The following KALRN variants were observed in gnomAD, a reference collection of about 807,000 sequenced individuals.
KALRN encodes kalirin.
Under a neutral mutation model 353.7 loss-of-function variants are expected in KALRN, and 70 were observed. That is an observed-to-expected ratio of 0.20 (90% CI 0.16 to 0.24). The LOEUF is 0.24. KALRN is among the 10% of genes least tolerant of loss of function. The pLI, the probability that KALRN is intolerant of heterozygous loss-of-function variation, is 1.00. For synonymous variants in KALRN, 1,391 were observed against 1,434.8 expected, an observed-to-expected ratio of 0.97 and a Z score of 0.69; for missense variants, 2,791 against 3,756.7, an observed-to-expected ratio of 0.74 and a Z score of 6.72.
intron 47 of KALRN, among the ~76,000 whole-genome samples, chr3:124,667,597 G>C (rs1164266451): frequency 1.3e-5 from 2 of 152,186 alleles, no homozygotes; most frequent in Non-Finnish European, 2.9e-5. Flanking sequence ...TGACCAATCA[G>C]TTCAAATCCC....
intron 13 of KALRN, among the ~76,000 whole-genome samples, chr3:124,408,910 T>G (rs2091882014): frequency 6.6e-6 from 1 of 152,208 alleles, no homozygotes; most frequent in Non-Finnish European, 1.5e-5. Context: ...AAGCAAATTT[T>G]GATGGCAGAA....
At chr3:124,042,239 T>C (rs1450362142) in intron 1 of KALRN, among the ~76,000 whole-genome samples, 1 of 152,170 alleles carries the variant, frequency 6.6e-6, no homozygotes, top group East Asian at 1.9e-4. Flanking sequence ...CAATGGGAGA[T>C]GAGACTCAGG....
At position 124,524,157 on chromosome 3, in the gene KALRN, G is replaced by T. The variant is rs182955717; in HGVS notation, c.4935+27744G>T. 2.8e-3 allele frequency among the ~76,000 whole-genome samples: 430 copies of T among 152,236 alleles called. 2 individuals are homozygous for T. Among genetic ancestry groups the T allele is most frequent in the African/African-American group, 9.8e-3 (408 of 41,542 alleles). ...AACATCCGGATGTCTTCTCTATGTG[G>T]GTTACAGTCCCACGCAAGCTGCTCC... On this transcript the variant is annotated intron_variant, in intron 33 of 59. Transcript: ENST00000682506.
At chr3:124,639,090 C>G (rs760515283) in intron 37 of KALRN, among the ~76,000 whole-genome samples, 5 of 152,194 alleles carry the variant, frequency 3.3e-5, no homozygotes, top group Non-Finnish European at 7.3e-5. Flanking sequence ...GAACTCTGTT[C>G]CAAACAAATT....
rs558113714 is a variant in KALRN at position 124,115,838 on chromosome 3, G to T, written c.73+82025G>T. ...TTTCATTTTATCATAAATACCAGAA[G>T]CTTCATGAATTTAAATTGGTTTCCT... On this transcript the variant is annotated intron_variant, in intron 1 of 59. Coordinates refer to ENST00000682506, the MANE Select transcript of KALRN (RefSeq NM_001388419.1). Among the ~76,000 whole-genome samples, 29 of 152,272 alleles carry T rather than the reference G, an allele frequency of 1.9e-4. No individual in the cohort carries two copies. The South Asian group carries it at 2.5e-3, about 13-fold the overall frequency.
At chr3:124,635,700 T>C (rs1241622878) in intron 36 of KALRN, among the ~76,000 whole-genome samples, 1 of 152,208 alleles carries the variant, frequency 6.6e-6, no homozygotes, top group Admixed American at 6.5e-5. Context: ...TTCCTTCTAA[T>C]CTTTTTCTTA....
intron 21 of KALRN, among the ~76,000 whole-genome samples, chr3:124,452,715 C>G (rs890820786): frequency 2.0e-5 from 3 of 152,178 alleles, no homozygotes; most frequent in African/African-American, 7.2e-5. Context: ...CTACCTACTT[C>G]CTAAGGATGC....
intron 27 of KALRN, among the ~76,000 whole-genome samples, chr3:124,478,871 G>C (rs1186682441): frequency 6.6e-6 from 1 of 152,108 alleles, no homozygotes; most frequent in African/African-American, 2.4e-5. Flanking sequence ...CGCTCTCTCT[G>C]CCTAGGATAG....
intron 10 of KALRN, among the ~76,000 whole-genome samples, chr3:124,350,564 G>C (rs2082732083): frequency 1.3e-5 from 2 of 152,106 alleles, no homozygotes; most frequent in Non-Finnish European, 2.9e-5. Context: ...TATAGGAAGT[G>C]GGCATAAAAT....
At chr3:124,254,554 C>T (rs998057831) in intron 3 of KALRN, among the ~76,000 whole-genome samples, 10 of 151,846 alleles carry the variant, frequency 6.6e-5, no homozygotes, top group Admixed American at 3.9e-4. Context: ...CCTCAGTTTT[C>T]TTAACGGTAG....
intron 34 of KALRN, among the ~76,000 whole-genome samples, chr3:124,622,584 G>T (rs544210474): frequency 6.6e-6 from 1 of 152,080 alleles, no homozygotes; most frequent in Non-Finnish European, 1.5e-5. Flanking sequence ...TGGAAGCCTC[G>T]GATGCCACCT....
chr3:124,446,381 G>A, intron 20 of KALRN, 105 bp downstream of exon 20: 1 of 744,364 alleles, frequency 1.3e-6, no homozygotes, highest in Non-Finnish European at 2.2e-6. Flanking sequence ...ATTGGGGATG[G>A]GAGTGGGGAA....
rs1249431204 is a variant in KALRN at position 124,368,143 on chromosome 3, A to AC, written c.1771-16694dup. Among the ~76,000 whole-genome samples the AC allele has an allele frequency of 1.8e-4, 7 of 39,132 alleles. 1 individual carries two copies. The highest frequency in any genetic ancestry group is 4.4e-4 in the African/African-American group (4 of 9,144). 25.7% of individuals were successfully genotyped at this position (39,132 alleles called of 152,430 possible). A position where few individuals can be genotyped will look rare whatever the true frequency, so the allele number is the denominator to read the frequency against. Reference sequence around the variant, plus strand: ...GGGCAGCTGGCCAGGCGGGGGGCTGACCCCCCCCACCTCCCTCCCGGACAG... The same window carrying AC: ...GGGCAGCTGGCCAGGCGGGGGGCTGACCCCCCCCCACCTCCCTCCCGGACAG... On this transcript the variant is annotated intron_variant, in intron 10 of 59. Coordinates refer to ENST00000682506, the MANE Select transcript of KALRN (RefSeq NM_001388419.1).
intron 1 of KALRN, among the ~76,000 whole-genome samples, chr3:124,034,742 C>T (rs1318224185): frequency 6.6e-6 from 1 of 152,090 alleles, no homozygotes; most frequent in Non-Finnish European, 1.5e-5. Context: ...CTTCCACCAG[C>T]TTCTGTGTGT....
intron 2 of KALRN, among the ~76,000 whole-genome samples, chr3:124,231,083 G>A (rs767865300): frequency 2.0e-5 from 3 of 152,236 alleles, no homozygotes; most frequent in Non-Finnish European, 1.5e-5. Context: ...CTAGCGCCCA[G>A]CCTTGGCCAG....
In KALRN at chr3:124,334,529, A is replaced by C; in HGVS notation, c.1647+34A>C. On this transcript the variant is annotated intron_variant, in intron 9 of 59. Coordinates refer to ENST00000682506, the MANE Select transcript of KALRN (RefSeq NM_001388419.1). The surrounding 1 kb of genome is among the most constrained non-coding windows in gnomAD (Gnocchi z 4.2). ...CTCTGAGCCCCGGTGTCCATTATCC[A>C]TTCTAGGAGGCAGACCGAGCTCAAG... The C allele has an allele frequency of 1.3e-6, 2 of 1,505,726 alleles. No individual in the cohort carries two copies. Among genetic ancestry groups the C allele is most frequent in the Non-Finnish European group, 1.8e-6 (2 of 1,092,034 alleles). 93.3% of individuals were successfully genotyped at this position (1,505,726 alleles called of 1,614,324 possible).
intron 2 of KALRN, among the ~76,000 whole-genome samples, chr3:124,231,063 C>A (rs539810917): frequency 6.6e-6 from 1 of 152,304 alleles, no homozygotes; most frequent in Admixed American, 6.5e-5. Context: ...ATTGAGCCTG[C>A]CCTCCTCTGC....
At chr3:124,104,309 C>T (rs957288255) in intron 1 of KALRN, among the ~76,000 whole-genome samples, 2 of 152,180 alleles carry the variant, frequency 1.3e-5, no homozygotes, top group African/African-American at 2.4e-5. Flanking sequence ...AGAAGACAGT[C>T]TTCTTGTCTT....
chr3:124,377,910 C>A (rs2086808516), intron 10 of KALRN, among the ~76,000 whole-genome samples: 1 of 151,934 alleles, frequency 6.6e-6, no homozygotes, highest in Non-Finnish European at 1.5e-5. Flanking sequence ...TTTTTCTGTC[C>A]TTTTACTCTT....
Sources: gnomAD v4.1 joint callset for allele counts (sites outside exome capture counted in the v4.1 genomes callset) on GRCh38, gnomAD v4.1.1 for gene constraint, Gnocchi (gnomAD v3.1) non-coding constraint, MANE v1.5 for transcripts, NCBI Gene and HGNC (gene_info 2026-07-23, HGNC 2026-07-21) for gene names.